The following DOCK1 variants were observed in gnomAD, a reference collection of about 807,000 sequenced individuals.
DOCK1 encodes dedicator of cytokinesis protein 1.
In DOCK1, 138 loss-of-function variants were observed where a neutral mutation model predicts 262.7. The ratio of observed to expected loss-of-function variants is 0.53; its 90% CI spans 0.46 to 0.61. DOCK1 has a LOEUF of 0.61. DOCK1 is among the 20% of genes least tolerant of loss of function. DOCK1 has a pLI of 0.00. For missense variants in DOCK1, 1,908 were observed against 2,370.7 expected (o/e 0.80, Z 4.05); for synonymous variants, 866 against 867.4 (o/e 1.00, Z 0.03).
intron 1 of DOCK1, among the ~76,000 whole-genome samples, chr10:126,952,636 A>C (rs1262376386): frequency 1.6e-5 from 2 of 121,766 alleles, no homozygotes; most frequent in African/African-American, 6.3e-5. Context: ...GTGATGTAGT[A>C]TTGTTGGTAG....
intron 1 of DOCK1, among the ~76,000 whole-genome samples, chr10:126,936,572 T>TGAC (rs1313452362): frequency 3.3e-5 from 5 of 152,182 alleles, no homozygotes; most frequent in Admixed American, 6.5e-5. Context: ...CAAAAACTGG[T>TGAC]GACAGTGAGA....
At chr10:127,306,114 A>G (rs145689479) in intron 29 of DOCK1, among the ~76,000 whole-genome samples, 3 of 150,738 alleles carry the variant, frequency 2.0e-5, no homozygotes, top group East Asian at 4.0e-4. Flanking sequence ...TCCCAGGTTC[A>G]AGCAATTCTT....
intron 23 of DOCK1, among the ~76,000 whole-genome samples, chr10:127,099,140 G>A (rs2048083642): frequency 6.6e-6 from 1 of 152,176 alleles, no homozygotes; most frequent in Non-Finnish European, 1.5e-5. Flanking sequence ...CTTAGTTAAG[G>A]AGGTGATTTC....
chr10:127,061,845 G>A (rs1401565922), intron 23 of DOCK1, 69 bp downstream of exon 23: 1 of 1,267,552 alleles, frequency 7.9e-7, no homozygotes, highest in African/African-American at 1.5e-5. Flanking sequence ...TTTGGAGGTA[G>A]GTATTTTGAT....
intron 27 of DOCK1, among the ~76,000 whole-genome samples, chr10:127,159,960 G>A (rs187594849): frequency 3.7e-4 from 56 of 152,234 alleles, no homozygotes; most frequent in Non-Finnish European, 6.6e-4. Flanking sequence ...GGCCCTGGGT[G>A]TTAGGAAGGG....
intron 29 of DOCK1, among the ~76,000 whole-genome samples, chr10:127,304,180 G>GAT (rs2135451868): frequency 6.6e-6 from 1 of 152,252 alleles, no homozygotes; most frequent in African/African-American, 2.4e-5. Context: ...AGGCACACAG[G>GAT]ATGGGGGTGG....
chr10:127,231,153 T>C (rs1037182629), intron 27 of DOCK1, among the ~76,000 whole-genome samples: 6 of 152,172 alleles, frequency 3.9e-5, no homozygotes, highest in Non-Finnish European at 8.8e-5. Context: ...GGTAATTCTT[T>C]TCTATCAGAG....
chr10:127,120,469 A>G (rs899677545), intron 25 of DOCK1, among the ~76,000 whole-genome samples: 5 of 152,230 alleles, frequency 3.3e-5, no homozygotes, highest in African/African-American at 1.2e-4. Context: ...CTAAAACATC[A>G]CTGCAACGTG....
chr10:127,120,376 G>A (rs566922714), intron 25 of DOCK1, among the ~76,000 whole-genome samples: 71 of 152,312 alleles, frequency 4.7e-4, no homozygotes, highest in African/African-American at 1.6e-3. Flanking sequence ...AATGTGAGCC[G>A]TGTATGTAAT....
intron 28 of DOCK1, among the ~76,000 whole-genome samples, chr10:127,248,351 A>G (rs2059503189): frequency 6.6e-6 from 1 of 152,062 alleles, no homozygotes; most frequent in Non-Finnish European, 1.5e-5. Flanking sequence ...GCCCAGGGAA[A>G]TCTCTTGTCT....
At chr10:127,430,051 G>C (rs1024365896) in intron 47 of DOCK1, among the ~76,000 whole-genome samples, 2 of 151,882 alleles carry the variant, frequency 1.3e-5, no homozygotes, top group Non-Finnish European at 2.9e-5. Context: ...AGATGCCATC[G>C]TCCCCCTCTC....
intron 29 of DOCK1, among the ~76,000 whole-genome samples, chr10:127,326,795 C>A (rs1462734731): frequency 6.6e-6 from 1 of 152,182 alleles, no homozygotes; most frequent in East Asian, 1.9e-4. Flanking sequence ...AAATATATTT[C>A]TTAAATAATA....
rs368826445 is a variant in DOCK1, at chr10:127,266,162, G to A, written c.3044+8733G>A. 1.3e-4 allele frequency among the ~76,000 whole-genome samples: 20 copies of A among 152,330 alleles called. No individual in the cohort carries two copies. In the South Asian group the frequency reaches 3.9e-3, roughly 30 times the overall value. Reference sequence around the variant, plus strand: ...CTTTCCTGTTCTACCTCCGTCCAGAGAAGCACCTCTGCATCCCAATTAAGG... The same window carrying A: ...CTTTCCTGTTCTACCTCCGTCCAGAAAAGCACCTCTGCATCCCAATTAAGG... On this transcript the variant is annotated intron_variant, in intron 29 of 51. Transcript: ENST00000623213.
At chr10:127,408,703 A>T (rs1369532578) in intron 40 of DOCK1, among the ~76,000 whole-genome samples, 1 of 152,182 alleles carries the variant, frequency 6.6e-6, no homozygotes, top group African/African-American at 2.4e-5. Context: ...TAACCATTTC[A>T]TGCCCATTCT....
rs775214846 is a variant in DOCK1, at chr10:126,995,940, G to A, written c.474-808G>A. Among the ~76,000 whole-genome samples the A allele has an allele frequency of 6.6e-6, 1 of 152,168 alleles. No homozygotes were observed. The highest frequency in any genetic ancestry group is 1.5e-5 in the Non-Finnish European group (1 of 68,036). On this transcript the variant is annotated intron_variant, in intron 6 of 51. Coordinates refer to ENST00000623213, the MANE Select transcript of DOCK1 (RefSeq NM_001290223.2). This position sits in a 1 kb window ranked among gnomAD's most constrained non-coding sequence, Gnocchi z 5.8. ...ATTGGGGTCAGTGGGGAGTAAAAAG[G>A]TGGTGGATAGATCTCTCCTCCAAGT...
At chr10:127,354,461 G>A (rs1179595832) in intron 31 of DOCK1, among the ~76,000 whole-genome samples, 4 of 152,206 alleles carry the variant, frequency 2.6e-5, no homozygotes, top group Admixed American at 2.6e-4. Flanking sequence ...AAGATGTTGT[G>A]TAACCCTCAG....
intron 27 of DOCK1, among the ~76,000 whole-genome samples, chr10:127,196,579 C>T (rs1183517329): frequency 1.6e-5 from 2 of 128,224 alleles, no homozygotes; most frequent in Non-Finnish European, 3.3e-5. Context: ...GGCACCGAGG[C>T]GGGCGGAGCC....
At chr10:127,370,858 C>T (rs2065169489) in intron 33 of DOCK1, among the ~76,000 whole-genome samples, 1 of 152,154 alleles carries the variant, frequency 6.6e-6, no homozygotes, top group Non-Finnish European at 1.5e-5. Context: ...ACTCTCTGTT[C>T]AGTATTTTCA....
chr10:127,426,037 G>A (rs751354655), intron 47 of DOCK1, 26 bp downstream of exon 47: 2 of 1,612,632 alleles, frequency 1.2e-6, no homozygotes, highest in South Asian at 1.1e-5. Flanking sequence ...GCGTAGTGTT[G>A]CAGAAGAGTG....
Sources: gnomAD v4.1 joint callset for allele counts (sites outside exome capture counted in the v4.1 genomes callset) on GRCh38, gnomAD v4.1.1 for gene constraint, Gnocchi (gnomAD v3.1) non-coding constraint, MANE v1.5 for transcripts, NCBI Gene and HGNC (gene_info 2026-07-23, HGNC 2026-07-21) for gene names.